GTF2H3: variants seen among roughly 807,000 people sequenced by gnomAD.
GTF2H3 encodes the protein general transcription factor IIH subunit 3, also known as TFIIH basal transcription factor complex p34 subunit.
GTF2H3 carries 42 observed loss-of-function variants against 51.1 expected under a neutral mutation model. The observed-to-expected ratio is 0.82, with a 90% CI of 0.64 to 1.06. The LOEUF is 1.06. Among genes scored for constraint, GTF2H3 ranks in the 50% least tolerant of loss-of-function variants. The pLI, the probability that GTF2H3 is intolerant of heterozygous loss-of-function variation, is 0.00. For synonymous variants in GTF2H3, 123 were observed against 123.8 expected (o/e 0.99, Z 0.04); for missense variants, 326 against 366.1 (o/e 0.89, Z 0.89).
At chr12:123,647,046 G>A (rs751975368) in intron 3 of GTF2H3, among the ~76,000 whole-genome samples, 7 of 151,088 alleles carry the variant, frequency 4.6e-5, no homozygotes, top group East Asian at 1.9e-4. Flanking sequence ...CCAGCTACTC[G>A]TTAGGCTGAG....
At chr12:123,647,829 A>T in intron 3 of GTF2H3, 134 bp from the exon 4 acceptor site, 1 of 518,542 alleles carries the variant, frequency 1.9e-6, no homozygotes, top group Non-Finnish European at 3.3e-6. Flanking sequence ...TAAAAAATGA[A>T]ATTTACCGTG....
chr12:123,644,032 C>T (rs553007150), intron 2 of GTF2H3, among the ~76,000 whole-genome samples: 3 of 152,076 alleles, frequency 2.0e-5, no homozygotes, highest in Admixed American at 6.6e-5. Context: ...GGTTTTGCCA[C>T]GTAAGCCAGG....
intron 1 of GTF2H3, among the ~76,000 whole-genome samples, chr12:123,634,801 A>G (rs1593788370): frequency 6.6e-6 from 1 of 152,370 alleles, no homozygotes; most frequent in East Asian, 1.9e-4. Context: ...GGATGAGATC[A>G]GAGAACCAGC....
chr12:123,646,949 G>A (rs1042000387), intron 3 of GTF2H3, among the ~76,000 whole-genome samples: 4 of 150,844 alleles, frequency 2.7e-5, no homozygotes, highest in African/African-American at 9.8e-5. Flanking sequence ...CAGGAGATCA[G>A]GACCATCCTG....
chr12:123,638,380 G>A (rs1228735916), intron 1 of GTF2H3, among the ~76,000 whole-genome samples: 1 of 151,006 alleles, frequency 6.6e-6, no homozygotes. Context: ...CATGTTGGCC[G>A]GGCTGGTCTT....
rs527801944 is a variant in GTF2H3, at chr12:123,638,230, C to T, written c.14-1034C>T. ...CTGGAGTGCAGTGGTGCAATCTTGG[C>T]TCACTGCAGCCTCCGCCTCCCGGGT... On this transcript the variant is annotated intron_variant, in intron 1 of 12. Coordinates refer to ENST00000543341, the MANE Select transcript of GTF2H3 (RefSeq NM_001516.5). Among the ~76,000 whole-genome samples the T allele has an allele frequency of 1.7e-4, 26 of 151,994 alleles. No homozygotes were observed. The South Asian group carries it at 2.1e-3, about 12-fold the overall frequency.
rs1246680283 is a variant in GTF2H3, at chr12:123,651,000, T to C, written c.371T>C (p.Ile124Thr). The C allele has an allele frequency of 3.7e-6, 6 of 1,611,420 alleles. No homozygotes were observed. The South Asian group carries it at 6.6e-5, about 18-fold the overall frequency. ...TGTTTTCTGTTATTTGCAGGTGACATAAAGGGTCAACATACAGAAACTTTG... is the reference window on the plus strand; with the variant it reads ...TGTTTTCTGTTATTTGCAGGTGACACAAAGGGTCAACATACAGAAACTTTG... Reference protein sequence around the residue: ...EIKDLMTKSDIKGQHTETLLA... With the variant: ...EIKDLMTKSDTKGQHTETLLA... The change falls in exon 5 of 13, where the codon ATA becomes ACA. Residue 124 changes from isoleucine to threonine, a missense_variant. Physicochemically the swap from Ile to Thr is moderately conservative, Grantham distance 89. Transcript: ENST00000543341.
chr12:123,647,327 C>T (rs1451951923), intron 3 of GTF2H3, among the ~76,000 whole-genome samples: 2 of 151,804 alleles, frequency 1.3e-5, no homozygotes, highest in Non-Finnish European at 2.9e-5. Context: ...AAAAAATTAG[C>T]TGGACGTGGT....
intron 11 of GTF2H3, 57 bp from the exon 12 acceptor site, chr12:123,659,989 T>G: frequency 6.3e-7 from 1 of 1,598,948 alleles, no homozygotes; most frequent in Non-Finnish European, 8.5e-7. Context: ...GAAAACAGTT[T>G]CTCAGCTGTG....
chr12:123,657,519 C>T (rs1304771642), intron 9 of GTF2H3, among the ~76,000 whole-genome samples: 2 of 152,358 alleles, frequency 1.3e-5, no homozygotes, highest in Admixed American at 6.5e-5. Flanking sequence ...CCTGCCTTCA[C>T]GTCTCTACTT....
At chr12:123,654,233 ATGTGTGTATTTGGGG>A (rs1955555567) in intron 7 of GTF2H3, among the ~76,000 whole-genome samples, 1 of 95,924 alleles carries the variant, frequency 1.0e-5, no homozygotes. Flanking sequence ...TGTTTGTTTT[ATGTGTGTATTTGGGG>A]TGTGTATATT....
At chr12:123,635,572 CAAAA>C (rs11316749) in intron 1 of GTF2H3, among the ~76,000 whole-genome samples, 17 of 85,402 alleles carry the variant, frequency 2.0e-4, no homozygotes, top group East Asian at 4.9e-4. Flanking sequence ...GTCTCCGTCG[CAAAA>C]AAAAAAAAAA....
At chr12:123,643,070 G>A (rs1185183006) in intron 2 of GTF2H3, among the ~76,000 whole-genome samples, 1 of 152,116 alleles carries the variant, frequency 6.6e-6, no homozygotes, top group East Asian at 1.9e-4. Context: ...TAGAGATGGG[G>A]TTTCACCATG....
At chr12:123,639,155 T>C in intron 1 of GTF2H3, 109 bp from the exon 2 acceptor site, 1 of 637,758 alleles carries the variant, frequency 1.6e-6, no homozygotes, top group Non-Finnish European at 2.8e-6. Context: ...GATAAACATT[T>C]AAGGCATATA....
At chr12:123,641,879 G>A (rs1955380270) in intron 2 of GTF2H3, among the ~76,000 whole-genome samples, 1 of 152,158 alleles carries the variant, frequency 6.6e-6, no homozygotes, top group Admixed American at 6.5e-5. Context: ...TTGAGATGGA[G>A]TTTTGCTCTT....
chr12:123,648,190 A>G, intron 4 of GTF2H3, 64 bp downstream of exon 4: 1 of 1,070,258 alleles, frequency 9.3e-7, no homozygotes, highest in Non-Finnish European at 1.4e-6. Flanking sequence ...TTTAGGCTTT[A>G]AGTTCAAAGA....
intron 3 of GTF2H3, among the ~76,000 whole-genome samples, chr12:123,646,410 C>T (rs1955447943): frequency 1.3e-5 from 2 of 152,024 alleles, no homozygotes; most frequent in African/African-American, 4.8e-5. Flanking sequence ...TACAGGTGTG[C>T]ACCACCACAC....
chr12:123,639,981 C>A, intron 2 of GTF2H3: 1 of 455,928 alleles, frequency 2.2e-6, no homozygotes, highest in Non-Finnish European at 4.4e-6. Flanking sequence ...GCCTCAGCCT[C>A]CCGAGTACTT....
chr12:123,651,093 C>T, intron 5 of GTF2H3, 37 bp downstream of exon 5: 2 of 1,424,718 alleles, frequency 1.4e-6, no homozygotes, highest in Non-Finnish European at 2.0e-6. Flanking sequence ...AAGGTGTCTT[C>T]TGTAATAAAC....
Sources: gnomAD v4.1 joint callset for allele counts (sites outside exome capture counted in the v4.1 genomes callset) on GRCh38, gnomAD v4.1.1 for gene constraint, MANE v1.5 for transcripts, NCBI Gene and HGNC (gene_info 2026-07-23, HGNC 2026-07-21) for gene names.